ZFR2: variants seen among roughly 807,000 people sequenced by gnomAD.
ZFR2 encodes the protein zinc finger RNA-binding protein 2.
In ZFR2, 104 loss-of-function variants were observed where a neutral mutation model predicts 105.7. The ratio of observed to expected loss-of-function variants is 0.98; its 90% confidence interval spans 0.84 to 1.16. ZFR2 has a LOEUF of 1.16. Among genes scored for constraint, ZFR2 ranks in the 50% most tolerant of loss-of-function variants. ZFR2 has a pLI of 0.00. For synonymous variants in ZFR2, 634 were observed against 597.7 expected (o/e 1.06, Z -0.89); for missense variants, 1,425 against 1,355.5 (o/e 1.05, Z -0.80).
rs2038056666 is a variant in ZFR2 at position 3,834,504 on chromosome 19, G to T, written c.264+269C>A. Among the ~76,000 whole-genome samples, 1 of 152,258 alleles carries T rather than the reference G, an allele frequency of 6.6e-6. No homozygotes were observed. Among genetic ancestry groups the T allele is most frequent in the Non-Finnish European group, 1.5e-5 (1 of 68,012 alleles). ...CCTTCATAGTCACTGCTGAAGCTGG[G>T]ACAAAGCTCTGTGCGCCGTCACTGT... On this transcript the variant is annotated intron_variant, in intron 2 of 18. Coordinates refer to ENST00000262961, the MANE Select transcript of ZFR2 (RefSeq NM_015174.2). The surrounding 1 kb of genome is among the most constrained non-coding windows in gnomAD (Gnocchi z 5.3).
In ZFR2 at chr19:3,831,759, T is replaced by C. The variant is rs533642106; in HGVS notation, c.499A>G (p.Thr167Ala). The C allele has an allele frequency of 1.6e-5, 26 of 1,610,020 alleles. No homozygotes were observed. In the Admixed American group the frequency reaches 3.2e-4, roughly 20 times the overall value. The change falls in exon 4 of 19, where the codon ACC becomes GCC. Residue 167 changes from threonine (T) to alanine (A), a missense_variant. Transcript: ENST00000262961. ...TGGACGCCTGTCGCCGTGGGGTAGGTGTATCCCGAGGACAAGGTGCTCGCT... is the reference window on the plus strand; with the variant it reads ...TGGACGCCTGTCGCCGTGGGGTAGGCGTATCCCGAGGACAAGGTGCTCGCT... ...QPASTLSSGY[T>A]YPTATGVQPE... is the part of the protein sequence containing the mutation.
At chr19:3,848,675 A>T (rs2038206335) in intron 1 of ZFR2, among the ~76,000 whole-genome samples, 1 of 151,636 alleles carries the variant, frequency 6.6e-6, no homozygotes, top group African/African-American at 2.4e-5. Context: ...TGGGCAACAG[A>T]GCAAGACCCC....
chr19:3,819,088 C>T lies in ZFR2; in HGVS notation c.1888G>A (p.Glu630Lys), dbSNP rs575924514. The part of the protein sequence containing the change: ...ALKLVSDTLA[E>K]EDRGRREEEG... ...TCCTCTCGGCGGCCCCGGTCCTCCT[C>T]GGCCAGTGTGTCGGACACCAGCTTG... The change falls in exon 12 of 19, where the codon GAG becomes AAG. Residue 630 changes from glutamate (E) to lysine (K), a missense_variant. By Grantham distance (56) the Glu-to-Lys change is moderately conservative. Coordinates refer to ENST00000262961, the MANE Select transcript of ZFR2 (RefSeq NM_015174.2). The T allele has an allele frequency of 2.9e-5, 47 of 1,612,350 alleles. No individual in the cohort carries two copies. In the East Asian group the frequency reaches 4.7e-4, roughly 16 times the overall value.
At chr19:3,816,551 C>T (rs908280202) in intron 13 of ZFR2, 123 bp downstream of exon 13, 1 of 1,396,124 alleles carries the variant, frequency 7.2e-7, no homozygotes, top group Admixed American at 2.9e-5. Flanking sequence ...TGGCTTAATG[C>T]TTCTTGTACC....
intron 1 of ZFR2, among the ~76,000 whole-genome samples, chr19:3,862,747 G>A (rs554070726): frequency 2.0e-5 from 3 of 152,196 alleles, no homozygotes; most frequent in Non-Finnish European, 4.4e-5. Flanking sequence ...CCATTTTCAC[G>A]TGCAGCCGGC....
At position 3,813,900 on chromosome 19, in the gene ZFR2, G is replaced by T; in HGVS notation, c.2162C>A (p.Ser721Tyr). 1.2e-6 allele frequency: 2 copies of T among 1,613,962 alleles called. No individual in the cohort carries two copies. Among genetic ancestry groups the T allele is most frequent in the Non-Finnish European group, 1.7e-6 (2 of 1,179,876 alleles). Residue 721 changes from serine to tyrosine, a missense_variant, in exon 14 of 19, where the codon TCC (serine) becomes TAC (tyrosine). Transcript: ENST00000262961. This position sits in a 1 kb window ranked among gnomAD's most constrained non-coding sequence, Gnocchi z 4.4. ...SSDPEANIVI[S>Y]SCEEPRMQVT... ...CTGCATCCTGGGCTCCTCACAGGAG[G>T]AGATGACAATGTTGGCTTCAGGGTC...
rs936011488 is a variant in ZFR2, at chr19:3,825,177, C to T, written c.1213+53G>A. On this transcript the variant is annotated intron_variant, in intron 7 of 18. Coordinates refer to ENST00000262961, the MANE Select transcript of ZFR2 (RefSeq NM_015174.2). The stretch of plus-strand genomic sequence containing the variant: ...GGTAGATTTTCTCACGAAACTTTCA[C>T]TAGGCGGCCAGGGCTCTGGTGGGTA... 1.1e-5 allele frequency: 16 copies of T among 1,406,106 alleles called. No individual in the cohort carries two copies. In the African/African-American group the frequency reaches 1.5e-4, roughly 13 times the overall value. 87.1% of individuals were successfully genotyped at this position (1,406,106 alleles called of 1,614,324 possible).
In ZFR2 at chr19:3,808,881, GC is replaced by G; in HGVS notation, c.2535del (p.Leu846SerfsTer2). On this transcript the variant is annotated frameshift_variant, in exon 17 of 19. Transcript: ENST00000262961. LOFTEE classifies it high-confidence loss of function. ...RRVLECVATGTLLTDGPGLQD... is the reference protein window; with the variant it reads ...RRVLECVATGXLLTDGPGLQD... ...CGGCCCAGCGACTGACCTGTCAGGAGCGTCCCTGTGGCCACGCACTCCAGGA... is the reference window on the plus strand; with the variant it reads ...CGGCCCAGCGACTGACCTGTCAGGAGGTCCCTGTGGCCACGCACTCCAGGA... 1.3e-6 allele frequency: 2 copies of G among 1,550,794 alleles called. No homozygotes were observed. The highest frequency in any genetic ancestry group is 1.7e-6 in the Non-Finnish European group (2 of 1,150,060).
chr19:3,817,335 G>A (rs1220078644), intron 12 of ZFR2, among the ~76,000 whole-genome samples: 1 of 152,004 alleles, frequency 6.6e-6, no homozygotes, highest in Non-Finnish European at 1.5e-5. Flanking sequence ...GAGGTGGGCA[G>A]ATCACTTGAG....
At chr19:3,829,044 C>T (rs1001041623) in intron 5 of ZFR2, among the ~76,000 whole-genome samples, 6 of 151,926 alleles carry the variant, frequency 3.9e-5, no homozygotes, top group Admixed American at 1.3e-4. Context: ...TCACTGCAGC[C>T]GCCGCCTCCC....
At position 3,819,143 on chromosome 19, in the gene ZFR2, C is replaced by T; in HGVS notation, c.1833G>A (p.Gln611=). 1.2e-6 allele frequency: 2 copies of T among 1,609,154 alleles called. No individual in the cohort carries two copies. Among genetic ancestry groups the T allele is most frequent in the African/African-American group, 1.3e-5 (1 of 74,942 alleles). Residue 611 remains glutamine (Q), a synonymous_variant, in exon 12 of 19, where the codon CAG becomes CAA. Coordinates refer to ENST00000262961, the MANE Select transcript of ZFR2 (RefSeq NM_015174.2). The part of the protein sequence containing the change: ...YPTEQELLAV[Q]RAVSHAERAL... ...CCCGCTCTGCGTGGGACACGGCCCT[C>T]TGCACGGCCAGGAGCTCCTGCTCCG... is the stretch of plus-strand genomic sequence containing the variant.
At chr19:3,848,319 G>A (rs1162289607) in intron 1 of ZFR2, among the ~76,000 whole-genome samples, 1 of 152,076 alleles carries the variant, frequency 6.6e-6, no homozygotes, top group African/African-American at 2.4e-5. Flanking sequence ...GGCTGAGGCA[G>A]GAGGATCGCT....
At chr19:3,820,600 T>A (rs1164287716) in intron 10 of ZFR2, among the ~76,000 whole-genome samples, 1 of 152,106 alleles carries the variant, frequency 6.6e-6, no homozygotes, top group Admixed American at 6.5e-5. Flanking sequence ...GAGTCAGATG[T>A]TACATCAGAA....
rs1477280662 is a variant in ZFR2, at chr19:3,823,082, G to A, written c.1371+164C>T. On this transcript the variant is annotated intron_variant, in intron 8 of 18. Coordinates refer to ENST00000262961, the MANE Select transcript of ZFR2 (RefSeq NM_015174.2). This position sits in a 1 kb window ranked among gnomAD's most constrained non-coding sequence, Gnocchi z 5.4. ...AAATCCGGCACCCAAAGTGTCAAGC[G>A]GGTCTGCACGGGGTTTTGGTCCATG... Among the ~76,000 whole-genome samples, 1 of 152,192 alleles carries A rather than the reference G, an allele frequency of 6.6e-6. No individual in the cohort carries two copies. Among genetic ancestry groups the A allele is most frequent in the East Asian group, 1.9e-4 (1 of 5,184 alleles).
rs1325967260 is a variant in ZFR2 at position 3,858,293 on chromosome 19, G to A, written c.53+10672C>T. ...TGGTCCACACTTCAGAGGGACACGG[G>A]TGGGATCTGCAGATAGAGGCAGGTG... On this transcript the variant is annotated intron_variant, in intron 1 of 18. Transcript: ENST00000262961. This position sits in a 1 kb window ranked among gnomAD's most constrained non-coding sequence, Gnocchi z 4.3. Among the ~76,000 whole-genome samples the A allele has an allele frequency of 3.9e-5, 6 of 152,198 alleles. No individual in the cohort carries two copies. The highest frequency in any genetic ancestry group is 1.3e-4 in the Admixed American group (2 of 15,274).
intron 1 of ZFR2, chr19:3,855,289 A>G: frequency 5.4e-6 from 5 of 932,596 alleles, no homozygotes; most frequent in Non-Finnish European, 7.0e-6. Flanking sequence ...AAAGGAGGCC[A>G]TCTTCTGGCT....
intron 1 of ZFR2, among the ~76,000 whole-genome samples, chr19:3,860,950 A>G (rs2038366627): frequency 6.6e-6 from 1 of 152,142 alleles, no homozygotes; most frequent in African/African-American, 2.4e-5. Flanking sequence ...CCGGCCTCGA[A>G]CCACCAACCT....
At chr19:3,808,087 C>A (rs887437532) in intron 17 of ZFR2, among the ~76,000 whole-genome samples, 5 of 127,606 alleles carry the variant, frequency 3.9e-5, no homozygotes, top group Admixed American at 3.4e-4. Flanking sequence ...GCAAGTACAT[C>A]CATGTGTGCC....
rs994130701 is a variant in ZFR2 at position 3,822,790 on chromosome 19, G to A, written c.1371+456C>T. On this transcript the variant is annotated intron_variant, in intron 8 of 18. Coordinates refer to ENST00000262961, the MANE Select transcript of ZFR2 (RefSeq NM_015174.2). ...CTCTTTGGCACGCACAAGGCCAACC[G>A]GGGTCTGAACTGCCGCTGGCCTGGG... 5.9e-5 allele frequency among the ~76,000 whole-genome samples: 9 copies of A among 152,292 alleles called. No homozygotes were observed. The South Asian group carries it at 1.5e-3, about 25-fold the overall frequency.
Sources: allele counts gnomAD v4.1 joint callset (sites outside exome capture counted in the v4.1 genomes callset), GRCh38; gene constraint gnomAD v4.1.1; non-coding constraint Gnocchi (gnomAD v3.1); transcripts MANE v1.5; gene names NCBI Gene and HGNC (gene_info 2026-07-23, HGNC 2026-07-21).